The following EPB41L3 variants were observed in gnomAD, a reference collection of about 807,000 sequenced individuals.
The protein encoded by EPB41L3 is band 4.1-like protein 3.
A neutral mutation model predicts 127.1 loss-of-function variants in EPB41L3; 57 were observed. The observed-to-expected ratio is 0.45, with a 90% CI of 0.36 to 0.56. The LOEUF (loss-of-function observed/expected upper bound fraction) is 0.56, where lower values mean the gene tolerates loss of function less well. EPB41L3 is among the 20% of genes least tolerant of loss of function. The probability of loss-of-function intolerance (pLI) is 0.00; values close to 1 mark genes in which losing one functional copy is unlikely to be tolerated. For missense variants in EPB41L3, 1,273 were observed against 1,372.2 expected (o/e 0.93, Z 1.14); for synonymous variants, 572 against 549.5 (o/e 1.04, Z -0.57).
intron 1 of EPB41L3, among the ~76,000 whole-genome samples, chr18:5,524,443 T>C (rs1479860732): frequency 3.3e-5 from 5 of 152,088 alleles, no homozygotes; most frequent in Non-Finnish European, 5.9e-5. Context: ...GATCCACCCA[T>C]CTCGGCCTCC....
intron 3 of EPB41L3, among the ~76,000 whole-genome samples, chr18:5,581,482 T>A (rs192172325): frequency 4.7e-4 from 71 of 152,302 alleles, no homozygotes; most frequent in African/African-American, 1.7e-3. Context: ...TGTAAGTAAG[T>A]AGGATGGGTA....
At chr18:5,473,679 C>A (rs892681596) in intron 3 of EPB41L3, among the ~76,000 whole-genome samples, 3 of 151,968 alleles carry the variant, frequency 2.0e-5, no homozygotes, top group Admixed American at 1.3e-4. Context: ...TTGCATGGAA[C>A]AGAGATATTT....
At chr18:5,541,447 T>C (rs1328615391) in intron 1 of EPB41L3, among the ~76,000 whole-genome samples, 1 of 151,924 alleles carries the variant, frequency 6.6e-6, no homozygotes, top group Non-Finnish European at 1.5e-5. Flanking sequence ...CGGAAGAAAA[T>C]ACTTTTACAG....
At chr18:5,576,776 C>G (rs1017778997) in intron 3 of EPB41L3, among the ~76,000 whole-genome samples, 19 of 152,276 alleles carry the variant, frequency 1.2e-4, no homozygotes, top group Admixed American at 1.0e-3. Flanking sequence ...ACAAAATAAA[C>G]TGAAATTATA....
chr18:5,553,745 T>G (rs1007402129), intron 3 of EPB41L3, among the ~76,000 whole-genome samples: 1 of 152,214 alleles, frequency 6.6e-6, no homozygotes, highest in Non-Finnish European at 1.5e-5. Flanking sequence ...CTGTCTGGGT[T>G]CCTGCAACAC....
intron 3 of EPB41L3, among the ~76,000 whole-genome samples, chr18:5,475,584 T>C (rs979313110): frequency 6.6e-6 from 1 of 152,226 alleles, no homozygotes; most frequent in Non-Finnish European, 1.5e-5. Flanking sequence ...TGGTTCACGA[T>C]GAGTTTGTAA....
intron 3 of EPB41L3, among the ~76,000 whole-genome samples, chr18:5,474,045 C>T (rs573762616): frequency 3.4e-4 from 51 of 152,064 alleles, no homozygotes; most frequent in African/African-American, 1.1e-3. Flanking sequence ...TCTTGGCTAA[C>T]GTGGTGAAAC....
chr18:5,571,975 A>G (rs1039244175), intron 3 of EPB41L3, among the ~76,000 whole-genome samples: 4 of 152,216 alleles, frequency 2.6e-5, no homozygotes, highest in African/African-American at 9.6e-5. Context: ...AGACCTGCGT[A>G]CTTGGAATCA....
chr18:5,421,956 T>G (rs2077526036), intron 11 of EPB41L3, among the ~76,000 whole-genome samples: 1 of 152,304 alleles, frequency 6.6e-6, no homozygotes, highest in Admixed American at 6.5e-5. Context: ...ACCGACTGCT[T>G]GTATCTCAAA....
intron 3 of EPB41L3, among the ~76,000 whole-genome samples, chr18:5,576,685 T>G (rs1369729588): frequency 6.6e-6 from 1 of 152,236 alleles, no homozygotes; most frequent in Non-Finnish European, 1.5e-5. Flanking sequence ...GCTGGGCTTG[T>G]GGGCAGCCCC....
intron 1 of EPB41L3, among the ~76,000 whole-genome samples, chr18:5,623,047 C>T (rs968480396): frequency 1.4e-5 from 2 of 140,348 alleles, no homozygotes; most frequent in East Asian, 2.2e-4. Flanking sequence ...ACGTAGCTGA[C>T]GTCATTAAAT....
intron 1 of EPB41L3, among the ~76,000 whole-genome samples, chr18:5,526,002 CAGATA>C (rs2148872423): frequency 6.6e-6 from 1 of 152,186 alleles, no homozygotes; most frequent in South Asian, 2.1e-4. Flanking sequence ...TTTGCAGTAT[CAGATA>C]AAAGGCCACC....
At chr18:5,493,843 G>C (rs1006949066) in intron 1 of EPB41L3, among the ~76,000 whole-genome samples, 3 of 152,080 alleles carry the variant, frequency 2.0e-5, no homozygotes, top group Admixed American at 1.3e-4. Flanking sequence ...TCAATCCTAG[G>C]TGGCACCCCT....
chr18:5,566,770 T>A (rs1599015840), intron 3 of EPB41L3, among the ~76,000 whole-genome samples: 1 of 146,066 alleles, frequency 6.8e-6, no homozygotes, highest in African/African-American at 2.5e-5. Context: ...TTCTATTCTA[T>A]TCTATTCTAT....
chr18:5,560,641 C>T (rs1023941359), intron 3 of EPB41L3, among the ~76,000 whole-genome samples: 3 of 152,082 alleles, frequency 2.0e-5, no homozygotes, highest in African/African-American at 4.8e-5. Flanking sequence ...TTCTGAAAAC[C>T]GACATTTGTT....
intron 9 of EPB41L3, among the ~76,000 whole-genome samples, chr18:5,427,291 T>C (rs2078320649): frequency 6.6e-6 from 1 of 152,216 alleles, no homozygotes. Context: ...TATGCTAGAA[T>C]CTTTGAGCTT....
At chr18:5,557,223 C>A (rs138235297) in intron 3 of EPB41L3, among the ~76,000 whole-genome samples, 10 of 152,248 alleles carry the variant, frequency 6.6e-5, no homozygotes, top group Non-Finnish European at 1.3e-4. Flanking sequence ...GGGCTAAGTG[C>A]AGGAAATGGC....
At chr18:5,564,066 A>T (rs1025510828) in intron 3 of EPB41L3, among the ~76,000 whole-genome samples, 1 of 152,198 alleles carries the variant, frequency 6.6e-6, no homozygotes, top group African/African-American at 2.4e-5. Context: ...TAAGTCTTGT[A>T]CAAAAAGAAG....
At chr18:5,560,693 G>A (rs890966154) in intron 3 of EPB41L3, among the ~76,000 whole-genome samples, 6 of 152,052 alleles carry the variant, frequency 3.9e-5, no homozygotes, top group Non-Finnish European at 7.4e-5. Context: ...CACATTTATT[G>A]AGAGGAAATT....
Sources: allele counts gnomAD v4.1 joint callset (sites outside exome capture counted in the v4.1 genomes callset), GRCh38; gene constraint gnomAD v4.1.1; transcripts MANE v1.5; gene names NCBI Gene and HGNC (gene_info 2026-07-23, HGNC 2026-07-21).